PCDHA4: variants seen among roughly 807,000 people sequenced by gnomAD.
The protein encoded by PCDHA4 is protocadherin alpha 4.
A neutral mutation model predicts 61.4 loss-of-function variants in PCDHA4; 49 were observed. That is an observed-to-expected ratio of 0.80 (90% CI 0.63 to 1.01). The LOEUF (loss-of-function observed/expected upper bound fraction) is 1.01, where lower values mean the gene tolerates loss of function less well. Ranked by LOEUF, PCDHA4 falls within the 50% of genes least tolerant of loss-of-function variation. The pLI, the probability that PCDHA4 is intolerant of heterozygous loss-of-function variation, is 0.00. For missense variants in PCDHA4, 1,254 were observed against 1,235.8 expected (o/e 1.01, Z -0.22); for synonymous variants, 590 against 550.3 (o/e 1.07, Z -1.01).
intron 1 of PCDHA4, among the ~76,000 whole-genome samples, chr5:140,937,540 C>T (rs2091570481): frequency 2.0e-5 from 3 of 152,116 alleles, no homozygotes; most frequent in East Asian, 3.9e-4. Flanking sequence ...TTGCTTGAAC[C>T]TGCGAGGCAG....
chr5:140,881,458 G>C (rs2058720447), intron 1 of PCDHA4: 1 of 671,966 alleles, frequency 1.5e-6, no homozygotes, highest in Non-Finnish European at 1.8e-6. Context: ...CAAAACCTTA[G>C]AGCATTGTTG....
At chr5:140,992,950 C>T (rs1435932636) in intron 3 of PCDHA4, among the ~76,000 whole-genome samples, 1 of 152,216 alleles carries the variant, frequency 6.6e-6, no homozygotes, top group East Asian at 1.9e-4. Context: ...GAGATTAAAT[C>T]ACCCCTTATA....
At chr5:140,942,863 T>A (rs1223265899) in intron 1 of PCDHA4, among the ~76,000 whole-genome samples, 2 of 152,126 alleles carry the variant, frequency 1.3e-5, no homozygotes, top group Non-Finnish European at 2.9e-5. Context: ...TTATTTTGCT[T>A]TAGCATGACA....
At chr5:140,985,690 C>G (rs752184454) in intron 3 of PCDHA4, among the ~76,000 whole-genome samples, 1 of 151,742 alleles carries the variant, frequency 6.6e-6, no homozygotes, top group Admixed American at 6.6e-5. Flanking sequence ...TACGCTAATC[C>G]TCGTTCATAT....
chr5:140,828,024 C>A, intron 1 of PCDHA4: 1 of 1,516,842 alleles, frequency 6.6e-7, no homozygotes, highest in Non-Finnish European at 8.8e-7. Context: ...TAATAAATTC[C>A]GGAACATACA....
chr5:140,939,803 T>C (rs2092462819), intron 1 of PCDHA4, among the ~76,000 whole-genome samples: 1 of 152,228 alleles, frequency 6.6e-6, no homozygotes, highest in African/African-American at 2.4e-5. Flanking sequence ...ATGTTCTGCA[T>C]GTTCAAGAAA....
chr5:140,927,826 G>A (rs782694866), intron 1 of PCDHA4: 1 of 1,614,194 alleles, frequency 6.2e-7, no homozygotes, highest in Middle Eastern at 1.6e-4. Context: ...ATACATTGAG[G>A]CGAGGGACGA....
At chr5:140,829,826 G>A (rs2150175496) in intron 1 of PCDHA4, 2 of 1,613,796 alleles carry the variant, frequency 1.2e-6, no homozygotes, top group South Asian at 1.1e-5. Context: ...TGCAGTGAGC[G>A]AGCTGGTGCC....
chr5:140,829,210 C>T (rs2150163892), intron 1 of PCDHA4: 28 of 1,614,110 alleles, frequency 1.7e-5, no homozygotes, highest in African/African-American at 6.7e-5. Flanking sequence ...CCCTAATTAG[C>T]GTGAACGACC....
chr5:140,910,281 A>G (rs1198162778), intron 1 of PCDHA4, among the ~76,000 whole-genome samples: 4 of 151,152 alleles, frequency 2.6e-5, no homozygotes, highest in East Asian at 2.0e-4. Context: ...TAGGAACACC[A>G]TGATTAATCA....
rs781855860 is a variant in PCDHA4, at chr5:140,808,895, G to A, written c.1708G>A (p.Ala570Thr). 1 of 1,613,372 alleles carries A rather than the reference G, an allele frequency of 6.2e-7. No homozygotes were observed. The change falls in exon 1 of 4, where the codon GCG (alanine) becomes ACG (threonine). Residue 570 changes from alanine (A) to threonine (T), a missense_variant. Coordinates refer to ENST00000530339, the MANE Select transcript of PCDHA4 (RefSeq NM_018907.4). ...CGCGCCAGCACTGCTAGCGCCTCGG[G>A]CGGGTGGCACTGGTGGCGCAGTGAG... ...DNAPALLAPR[A>T]GGTGGAVSEL... is the part of the protein sequence containing the mutation.
At chr5:140,837,494 T>C (rs2150275990) in intron 1 of PCDHA4, among the ~76,000 whole-genome samples, 2,176 of 141,154 alleles carry the variant, frequency 0.015, 60 homozygotes, top group African/African-American at 0.056. Flanking sequence ...ACTTTACCTT[T>C]CTGAATTTCT....
intron 1 of PCDHA4, chr5:140,884,351 G>A: frequency 6.2e-7 from 1 of 1,613,946 alleles, no homozygotes; most frequent in Non-Finnish European, 8.5e-7. Context: ...GGCGCTGGTG[G>A]ATGTCAATGT....
intron 3 of PCDHA4, among the ~76,000 whole-genome samples, chr5:140,992,100 A>G (rs1285742519): frequency 6.6e-6 from 1 of 151,526 alleles, no homozygotes; most frequent in African/African-American, 2.4e-5. Context: ...AAAGAGAATT[A>G]AGGTGAGATG....
In PCDHA4 at chr5:140,871,299, G is replaced by T. The variant is rs782459625; in HGVS notation, c.2385+61727G>T. On this transcript the variant is annotated intron_variant, in intron 1 of 3. Coordinates refer to ENST00000530339, the MANE Select transcript of PCDHA4 (RefSeq NM_018907.4). The stretch of plus-strand genomic sequence containing the variant: ...CAACGCCCACTGAGGGCGCGTGCGC[G>T]CCGGGGAAGCCCACGCTGGTGTGCT... 1.5e-5 allele frequency: 24 copies of T among 1,613,798 alleles called. No homozygotes were observed. In the East Asian group the frequency reaches 5.3e-4, roughly 36 times the overall value.
At chr5:140,843,830 T>C (rs2150193091) in intron 1 of PCDHA4, 2 of 1,116,788 alleles carry the variant, frequency 1.8e-6, no homozygotes, top group East Asian at 2.4e-5. Flanking sequence ...TTAAACATTG[T>C]TTAGTTTTTA....
chr5:140,810,299 G>A (rs1447707331), intron 1 of PCDHA4: 1 of 152,000 alleles, frequency 6.6e-6, no homozygotes, highest in Non-Finnish European at 1.5e-5. Context: ...TAAATATATT[G>A]TACATTTCTT....
At chr5:140,841,713 C>G in intron 1 of PCDHA4, 2 of 1,613,888 alleles carry the variant, frequency 1.2e-6, no homozygotes, top group Non-Finnish European at 1.7e-6. Context: ...GACAACCCGC[C>G]AGTGTTCCGG....
At chr5:140,968,273 G>A in intron 1 of PCDHA4, 1 of 1,614,080 alleles carries the variant, frequency 6.2e-7, no homozygotes, top group African/African-American at 1.3e-5. Context: ...GGAGAATGCA[G>A]AGGTGACCTA....
Sources: allele counts gnomAD v4.1 joint callset (sites outside exome capture counted in the v4.1 genomes callset), GRCh38; gene constraint gnomAD v4.1.1; transcripts MANE v1.5; gene names NCBI Gene and HGNC (gene_info 2026-07-23, HGNC 2026-07-21).